The following CDH8 variants were observed in gnomAD, a reference collection of about 807,000 sequenced individuals.
CDH8 encodes cadherin 8, also known as cadherin-8.
In CDH8, 17 loss-of-function variants were observed where a neutral mutation model predicts 68.1. That is an observed-to-expected ratio of 0.25 (90% confidence interval 0.17 to 0.37). The LOEUF (loss-of-function observed/expected upper bound fraction) is 0.37. Ranked by LOEUF, CDH8 falls within the 10% of genes least tolerant of loss-of-function variation. The probability of loss-of-function intolerance (pLI) is 1.00; values close to 1 mark genes in which losing one functional copy is unlikely to be tolerated. For synonymous variants in CDH8, 372 were observed against 365.1 expected (o/e 1.02, Z -0.21); for missense variants, 763 against 999.3 (o/e 0.76, Z 3.19).
chr16:61,676,230 AT>A (rs781440366), intron 10 of CDH8, among the ~76,000 whole-genome samples: 25 of 149,780 alleles, frequency 1.7e-4, no homozygotes, highest in African/African-American at 4.7e-4. Context: ...AAAGAAAAAA[AT>A]ATATATAAAT....
chr16:61,866,582 A>C (rs180871640), intron 3 of CDH8, among the ~76,000 whole-genome samples: 1 of 151,602 alleles, frequency 6.6e-6, no homozygotes, highest in African/African-American at 2.4e-5. Flanking sequence ...GTGTGTGTGT[A>C]TATATATATA....
chr16:61,951,078 T>C lies in CDH8; in HGVS notation c.253-49605A>G, dbSNP rs1348208492. Among the ~76,000 whole-genome samples the C allele has an allele frequency of 4.0e-5, 6 of 151,306 alleles. No homozygotes were observed. In the East Asian group the frequency reaches 1.2e-3, roughly 30 times the overall value. ...AAAAAAAACCTCCACATTCCAGTCT[T>C]TGGATAACTAGTAATCATCATCATC... On this transcript the variant is annotated intron_variant, in intron 2 of 11. Coordinates refer to ENST00000577390, the MANE Select transcript of CDH8 (RefSeq NM_001796.5).
At chr16:61,690,064 A>G (rs1425907456) in intron 10 of CDH8, among the ~76,000 whole-genome samples, 1 of 152,086 alleles carries the variant, frequency 6.6e-6, no homozygotes, top group Non-Finnish European at 1.5e-5. Flanking sequence ...CAAAATGTGT[A>G]GGAGCAAGGA....
chr16:62,005,078 A>G (rs1201246038), intron 2 of CDH8, among the ~76,000 whole-genome samples: 9 of 152,156 alleles, frequency 5.9e-5, no homozygotes, highest in Admixed American at 5.9e-4. Flanking sequence ...TTACTTCCCT[A>G]TCACATCTCA....
chr16:61,843,119 C>T (rs1962724360), intron 4 of CDH8, among the ~76,000 whole-genome samples: 1 of 151,996 alleles, frequency 6.6e-6, no homozygotes, highest in South Asian at 2.1e-4. Context: ...ATACTTTATA[C>T]TTCAGGGCTG....
chr16:61,837,981 G>T (rs1158711081), intron 4 of CDH8, among the ~76,000 whole-genome samples: 1 of 152,048 alleles, frequency 6.6e-6, no homozygotes, highest in Non-Finnish European at 1.5e-5. Flanking sequence ...AAGTGAGGTG[G>T]ATGCTCTAGT....
At chr16:61,992,042 C>G (rs72800832) in intron 2 of CDH8, among the ~76,000 whole-genome samples, 11,316 of 107,908 alleles carry the variant, frequency 0.1, 585 homozygotes, top group African/African-American at 0.16. Context: ...ACAATACATG[C>G]TAAATCTTTG....
chr16:62,001,719 A>C (rs1324122222), intron 2 of CDH8, among the ~76,000 whole-genome samples: 1 of 152,086 alleles, frequency 6.6e-6, no homozygotes, highest in Non-Finnish European at 1.5e-5. Context: ...GGCGCACAAC[A>C]TGCAGGTTAG....
chr16:61,749,964 T>C (rs1960116986), intron 8 of CDH8, among the ~76,000 whole-genome samples: 1 of 152,094 alleles, frequency 6.6e-6, no homozygotes, highest in Non-Finnish European at 1.5e-5. Context: ...TACCTGGGTA[T>C]ATTTTGTGAT....
chr16:61,887,387 G>T (rs952879836), intron 3 of CDH8, among the ~76,000 whole-genome samples: 1 of 152,110 alleles, frequency 6.6e-6, no homozygotes, highest in Non-Finnish European at 1.5e-5. Flanking sequence ...CCACAGACCG[G>T]GTGGCTTAAA....
At chr16:61,837,580 G>A (rs147214743) in intron 4 of CDH8, among the ~76,000 whole-genome samples, 100 of 152,180 alleles carry the variant, frequency 6.6e-4, no homozygotes, top group African/African-American at 2.2e-3. Flanking sequence ...TTCTAAGTGT[G>A]GAGGGCAGGG....
chr16:61,696,858 A>T (rs1002914148), intron 10 of CDH8, among the ~76,000 whole-genome samples: 2 of 152,190 alleles, frequency 1.3e-5, no homozygotes, highest in African/African-American at 2.4e-5. Flanking sequence ...CAAATACTGC[A>T]TGTTCTCACT....
chr16:61,887,689 A>G (rs1020394936), intron 3 of CDH8, among the ~76,000 whole-genome samples: 2 of 152,144 alleles, frequency 1.3e-5, no homozygotes, highest in Non-Finnish European at 2.9e-5. Context: ...TCACAGTCTG[A>G]GATACTAAGA....
chr16:61,765,560 C>T (rs1960568903), intron 8 of CDH8, among the ~76,000 whole-genome samples: 1 of 151,940 alleles, frequency 6.6e-6, no homozygotes, highest in African/African-American at 2.4e-5. Context: ...TATAGATATA[C>T]AATTGTATTC....
chr16:62,014,673 C>T (rs1245859819), intron 2 of CDH8, among the ~76,000 whole-genome samples: 1 of 151,968 alleles, frequency 6.6e-6, no homozygotes, highest in Non-Finnish European at 1.5e-5. Flanking sequence ...TTCCAAGTTA[C>T]AGTAAAGAGG....
chr16:61,771,388 G>A (rs1363233723), intron 8 of CDH8, among the ~76,000 whole-genome samples: 2 of 133,078 alleles, frequency 1.5e-5, no homozygotes, highest in African/African-American at 2.9e-5. Context: ...TATATCCAGA[G>A]ATACTCAAAT....
chr16:61,871,914 T>C (rs1963377716), intron 3 of CDH8, among the ~76,000 whole-genome samples: 1 of 129,240 alleles, frequency 7.7e-6, no homozygotes, highest in Admixed American at 8.3e-5. Context: ...TTTGAAACCA[T>C]CAAACAAAGC....
intron 2 of CDH8, among the ~76,000 whole-genome samples, chr16:61,958,846 T>G (rs1343472930): frequency 6.6e-6 from 1 of 152,188 alleles, no homozygotes; most frequent in Admixed American, 6.5e-5. Context: ...CTCAAGAGTA[T>G]GACACAGGAG....
At chr16:61,737,489 T>A (rs1959729334) in intron 8 of CDH8, among the ~76,000 whole-genome samples, 1 of 152,104 alleles carries the variant, frequency 6.6e-6, no homozygotes, top group African/African-American at 2.4e-5. Flanking sequence ...TAAAATAAAA[T>A]TGATGGGAAT....
Sources: allele counts gnomAD v4.1 joint callset (sites outside exome capture counted in the v4.1 genomes callset), GRCh38; gene constraint gnomAD v4.1.1; transcripts MANE v1.5; gene names NCBI Gene and HGNC (gene_info 2026-07-23, HGNC 2026-07-21).